IL17RB: variants seen among roughly 807,000 people sequenced by gnomAD.
IL17RB encodes interleukin 17 receptor B.
IL17RB carries 36 observed loss-of-function variants against 43.9 expected under a neutral mutation model. That is an observed-to-expected ratio of 0.82 (90% CI 0.63 to 1.08). The LOEUF is 1.08. Among genes scored for constraint, IL17RB ranks in the 50% least tolerant of loss-of-function variants. The pLI is 0.00. For missense variants in IL17RB, 613 were observed against 613.6 expected, an observed-to-expected ratio of 1.00 and a Z score of 0.01; for synonymous variants, 225 against 225.4, an observed-to-expected ratio of 1.00 and a Z score of 0.02.
At chr3:53,848,575 A>G in intron 1 of IL17RB, 89 bp from the exon 2 acceptor site, 1 of 1,271,378 alleles carries the variant, frequency 7.9e-7, no homozygotes, top group Non-Finnish European at 1.2e-6. Context: ...TATGCATTTA[A>G]GGGGAAAATG....
intron 8 of IL17RB, 190 bp from the exon 9 acceptor site, chr3:53,858,529 G>C: frequency 7.0e-7 from 1 of 1,421,026 alleles, no homozygotes; most frequent in Non-Finnish European, 9.2e-7. Context: ...TTGGGCACGT[G>C]GGTCTCGGGT....
chr3:53,864,183 A>G (rs941947697), intron 10 of IL17RB, among the ~76,000 whole-genome samples: 6 of 152,150 alleles, frequency 3.9e-5, no homozygotes, highest in African/African-American at 9.7e-5. Flanking sequence ...GGCTTGGTTG[A>G]GAGGATTGTT....
chr3:53,855,353 C>A lies in IL17RB; in HGVS notation c.529+12C>A, dbSNP rs1348164104. 2.5e-6 allele frequency: 4 copies of A among 1,570,056 alleles called. No homozygotes were observed. The highest frequency in any genetic ancestry group is 3.5e-6 in the Non-Finnish European group (4 of 1,141,748). ...GTGTGTCAAGGCCGGTAAGTAAATA[C>A]GGCATTTGCTTTTATTATTTGAAGA... On this transcript the variant is annotated intron_variant, in intron 6 of 10. Coordinates refer to ENST00000288167, the MANE Select transcript of IL17RB (RefSeq NM_018725.4).
intron 1 of IL17RB, 67 bp from the exon 2 acceptor site, chr3:53,848,597 A>G: frequency 6.7e-7 from 1 of 1,499,606 alleles, no homozygotes; most frequent in Non-Finnish European, 9.3e-7. Context: ...TGTTCTGCCT[A>G]ATTTGGCAAA....
At chr3:53,863,307 G>A (rs1200592279) in intron 10 of IL17RB, among the ~76,000 whole-genome samples, 1 of 151,608 alleles carries the variant, frequency 6.6e-6, no homozygotes, top group East Asian at 1.9e-4. Context: ...AGGGTCAGCT[G>A]TACTCTCTAA....
intron 2 of IL17RB, among the ~76,000 whole-genome samples, chr3:53,849,352 G>A (rs764675602): frequency 7.2e-5 from 11 of 152,112 alleles, no homozygotes; most frequent in South Asian, 2.1e-4. Flanking sequence ...ATCAGCCAGC[G>A]CTAAGAAACA....
At chr3:53,853,072 A>G in intron 5 of IL17RB, 75 bp downstream of exon 5, 1 of 1,577,206 alleles carries the variant, frequency 6.3e-7, no homozygotes, top group Non-Finnish European at 8.7e-7. Context: ...GAGAGAGCCC[A>G]GGGAACCCTG....
intron 8 of IL17RB, chr3:53,858,515 A>C: frequency 2.1e-6 from 3 of 1,414,604 alleles, no homozygotes; most frequent in Non-Finnish European, 2.8e-6. Flanking sequence ...AGACCCCGGG[A>C]GTCTTGGGCA....
chr3:53,865,425 A>G lies in IL17RB; in HGVS notation c.*117A>G. The G allele has an allele frequency of 1.4e-6, 1 of 725,304 alleles. No homozygotes were observed. Among genetic ancestry groups the G allele is most frequent in the Non-Finnish European group, 2.1e-6 (1 of 468,956 alleles). 44.9% of individuals were successfully genotyped at this position (725,304 alleles called of 1,614,324 possible). ...CCTACAAACAGCCTTAGTAATTAAA[A>G]CATTTTATACCAATAAAATTTTCAA... On this transcript the variant is annotated 3_prime_UTR_variant, in exon 11 of 11. Transcript: ENST00000288167.
chr3:53,856,734 C>A, intron 6 of IL17RB, 110 bp from the exon 7 acceptor site: 1 of 1,048,336 alleles, frequency 9.5e-7, no homozygotes, highest in Non-Finnish European at 1.5e-6. Context: ...GTCCCTATCT[C>A]TTGGACATTG....
At chr3:53,852,370 A>G (rs979924468) in intron 4 of IL17RB, among the ~76,000 whole-genome samples, 2 of 152,078 alleles carry the variant, frequency 1.3e-5, no homozygotes, top group Non-Finnish European at 2.9e-5. Flanking sequence ...CCAGTGCTCA[A>G]GCGATCTGCC....
rs1361576849 is a variant in IL17RB, at chr3:53,855,211, C to G, written c.482-83C>G. On this transcript the variant is annotated intron_variant, in intron 5 of 10. Coordinates refer to ENST00000288167, the MANE Select transcript of IL17RB (RefSeq NM_018725.4). Reference sequence around the variant, plus strand: ...GGCAATTTGTTACAGGTGTGGTATGCGTATGTGTGTGTGCACTTGGCAAAG... The same window carrying G: ...GGCAATTTGTTACAGGTGTGGTATGGGTATGTGTGTGTGCACTTGGCAAAG... 5.2e-6 allele frequency: 4 copies of G among 762,816 alleles called. No homozygotes were observed. The African/African-American group carries it at 5.3e-5, about 10-fold the overall frequency. The allele number at this position is 762,816 out of a possible 1,614,324, so 47.3% of individuals were successfully genotyped here. A position where few individuals can be genotyped will look rare whatever the true frequency, so the allele number is the denominator to read the frequency against.
At position 53,865,494 on chromosome 3, in the gene IL17RB, A is replaced by G; in HGVS notation, c.*186A>G. 7 of 545,478 alleles carry G rather than the reference A, an allele frequency of 1.3e-5. No homozygotes were observed. Among genetic ancestry groups the G allele is most frequent in the South Asian group, 5.7e-5 (2 of 35,088 alleles). 33.8% of individuals were successfully genotyped at this position (545,478 alleles called of 1,614,324 possible). A position where few individuals can be genotyped will look rare whatever the true frequency, so the allele number is the denominator to read the frequency against. On this transcript the variant is annotated 3_prime_UTR_variant, in exon 11 of 11. Transcript: ENST00000288167. Reference sequence around the variant, plus strand: ...GCATTAACTAACGATTGGAAACTACATTTACAACTTCAAAGCTGTTTTATA... The same window carrying G: ...GCATTAACTAACGATTGGAAACTACGTTTACAACTTCAAAGCTGTTTTATA...
chr3:53,859,872 G>C, intron 9 of IL17RB: 1 of 339,746 alleles, frequency 2.9e-6, no homozygotes, highest in Non-Finnish European at 5.5e-6. Flanking sequence ...AAGTGGCTGG[G>C]CGCGGTGACA....
chr3:53,859,959 G>A (rs184600707), intron 9 of IL17RB, 171 bp from the exon 10 acceptor site: 50 of 511,216 alleles, frequency 9.8e-5, no homozygotes, highest in African/African-American at 4.0e-4. Flanking sequence ...GCAGTGAACC[G>A]AGATTGCGCC....
intron 8 of IL17RB, 92 bp downstream of exon 8, chr3:53,857,782 ATG>A: frequency 1.7e-6 from 2 of 1,158,004 alleles, no homozygotes; most frequent in Non-Finnish European, 2.6e-6. Context: ...CTCTTGTCAA[ATG>A]CACTTCTGCC....
intron 10 of IL17RB, 113 bp from the exon 11 acceptor site, chr3:53,864,633 C>G: frequency 1.2e-6 from 1 of 802,334 alleles, no homozygotes; most frequent in Non-Finnish European, 2.0e-6. Flanking sequence ...TAACAAGGCC[C>G]TTGGTGCTCA....
chr3:53,851,327 G>A (rs1699138822), intron 3 of IL17RB, among the ~76,000 whole-genome samples: 1 of 152,198 alleles, frequency 6.6e-6, no homozygotes, highest in South Asian at 2.1e-4. Flanking sequence ...ACAATGTCAG[G>A]GGAGTCCCAG....
At chr3:53,852,340 C>T (rs955816529) in intron 4 of IL17RB, among the ~76,000 whole-genome samples, 4 of 152,034 alleles carry the variant, frequency 2.6e-5, no homozygotes, top group African/African-American at 4.8e-5. Context: ...GGGGTTTCAC[C>T]GTGTTGCTGG....
Sources: gnomAD v4.1 joint callset for allele counts (sites outside exome capture counted in the v4.1 genomes callset) on GRCh38, gnomAD v4.1.1 for gene constraint, MANE v1.5 for transcripts, NCBI Gene and HGNC (gene_info 2026-07-23, HGNC 2026-07-21) for gene names.